CYB5R2: variants seen among roughly 807,000 people sequenced by gnomAD.
CYB5R2 encodes NADH-cytochrome b5 reductase 2.
A neutral mutation model predicts 29.8 loss-of-function variants in CYB5R2; 35 were observed. The observed-to-expected ratio is 1.17, with a 90% CI of 0.90 to 1.56. The LOEUF (loss-of-function observed/expected upper bound fraction) is 1.56. Among genes scored for constraint, CYB5R2 ranks in the 40% most tolerant of loss-of-function variants. The pLI, the probability that CYB5R2 is intolerant of heterozygous loss-of-function variation, is 0.00. For missense variants in CYB5R2, 419 were observed against 346.7 expected (o/e 1.21, Z -1.66); for synonymous variants, 169 against 130.6 (o/e 1.29, Z -2.01).
chr11:7,672,382 T>C, intron 3 of CYB5R2, 69 bp downstream of exon 3: 1 of 1,393,732 alleles, frequency 7.2e-7, no homozygotes. Context: ...GAAACCTGTG[T>C]TTCTGTTAAG....
upstream of CYB5R2, chr11:7,673,943 C>A (rs1229358840): frequency 1.1e-5 from 11 of 1,002,552 alleles, no homozygotes; most frequent in Non-Finnish European, 1.3e-5. Context: ...TCGGGGGGCT[C>A]TCACTCACGA....
chr11:7,671,689 A>T (rs893641024), intron 3 of CYB5R2: 2 of 152,230 alleles, frequency 1.3e-5, no homozygotes, highest in African/African-American at 4.8e-5. Flanking sequence ...ATATAAGACA[A>T]ATAGGCCACG....
intron 3 of CYB5R2, 28 bp downstream of exon 3, chr11:7,672,423 T>G: frequency 6.2e-7 from 1 of 1,607,986 alleles, no homozygotes; most frequent in Non-Finnish European, 8.5e-7. Flanking sequence ...GAGGCCCCAG[T>G]CCTGGTGATG....
intron 1 of CYB5R2, 154 bp from the exon 2 acceptor site, chr11:7,673,045 G>A (rs543099830): frequency 1.4e-6 from 1 of 717,420 alleles, no homozygotes; most frequent in Non-Finnish European, 2.2e-6. Flanking sequence ...CACAGAAGGC[G>A]GCTGGGAGAG....
chr11:7,666,401 G>T, intron 8 of CYB5R2, 50 bp downstream of exon 8: 2 of 1,220,390 alleles, frequency 1.6e-6, no homozygotes, highest in Admixed American at 1.7e-5. Context: ...CCTCAAAGTG[G>T]TCAAGGGTTG....
intron 7 of CYB5R2, 54 bp from the exon 8 acceptor site, chr11:7,666,604 T>A: frequency 7.5e-7 from 1 of 1,324,858 alleles, no homozygotes; most frequent in Non-Finnish European, 1.1e-6. Context: ...TCTTGTTCCC[T>A]GGACTGACTA....
Position 7,673,499 on chromosome 11 carries a change from T to G in CYB5R2, c.-147A>C, listed in dbSNP as rs913846424. 1.0e-6 allele frequency: 1 copy of G among 985,864 alleles called. No individual in the cohort carries two copies. 61.1% of individuals were successfully genotyped at this position (985,864 alleles called of 1,614,324 possible). On this transcript the variant is annotated 5_prime_UTR_variant, in exon 1 of 9. Transcript: ENST00000299498. ...CTCCTCCCGCCGGGTCACTGGAGTC[T>G]CAGCCTTCCGGAATCCGAGCCGGCC...
chr11:7,673,188 G>A (rs4300385), intron 1 of CYB5R2: 1 of 405,458 alleles, frequency 2.5e-6, no homozygotes, highest in Non-Finnish European at 4.2e-6. Context: ...TACAGCCAAA[G>A]GTTCATACAC....
chr11:7,672,712 A>G, intron 2 of CYB5R2, 36 bp downstream of exon 2: 1 of 1,613,662 alleles, frequency 6.2e-7, no homozygotes, highest in Non-Finnish European at 8.5e-7. Flanking sequence ...GCCATCATCC[A>G]CTTACTGCCT....
At chr11:7,669,900 G>A in intron 3 of CYB5R2, 169 bp from the exon 4 acceptor site, 2 of 612,518 alleles carry the variant, frequency 3.3e-6, no homozygotes, top group East Asian at 5.7e-5. Context: ...CCGGATCCTA[G>A]GCCTGCCCTG....
intron 5 of CYB5R2, 42 bp downstream of exon 5, chr11:7,669,163 C>A: frequency 1.2e-6 from 2 of 1,613,306 alleles, no homozygotes; most frequent in Non-Finnish European, 1.7e-6. Context: ...TTGCAGGAAT[C>A]TTCCTCCCAG....
chr11:7,673,812 C>G (rs1052012832), upstream of CYB5R2: 6 of 988,234 alleles, frequency 6.1e-6, no homozygotes, highest in Non-Finnish European at 7.2e-6. Context: ...CCCCGCAGCT[C>G]CGCCTGGCCG....
In CYB5R2 at chr11:7,672,460, G is replaced by A. The variant is rs367580620; in HGVS notation, c.142C>T (p.Leu48Phe). Reference protein sequence around the residue: ...GLPSPDHVLGLPVGNYVQLLA... With the variant: ...GLPSPDHVLGFPVGNYVQLLA... ...CCCAAGCCCGGCTCACCTACAGGAAGCCCTAAGACATGGTCCGGCGAAGGC... is the reference window on the plus strand; with the variant it reads ...CCCAAGCCCGGCTCACCTACAGGAAACCCTAAGACATGGTCCGGCGAAGGC... Residue 48 changes from leucine to phenylalanine, a missense_variant, in exon 3 of 9, where the codon CTT (leucine) becomes TTT (phenylalanine). Transcript: ENST00000299498. 1.2e-6 allele frequency: 2 copies of A among 1,614,048 alleles called. No homozygotes were observed. The highest frequency in any genetic ancestry group is 2.7e-5 in the African/African-American group (2 of 74,940).
At chr11:7,673,881 C>A, upstream of CYB5R2, 1 of 992,222 alleles carries the variant, frequency 1.0e-6, no homozygotes, top group Non-Finnish European at 1.2e-6. Context: ...CGCGGGCGGA[C>A]CCCGCAGGCT....
intron 3 of CYB5R2, 66 bp downstream of exon 3, chr11:7,672,385 C>T (rs1460576000): frequency 2.1e-6 from 3 of 1,416,848 alleles, no homozygotes; most frequent in Non-Finnish European, 2.0e-6. Flanking sequence ...ACCTGTGTTT[C>T]TGTTAAGAGA....
chr11:7,665,097 G>T, downstream of CYB5R2: 1 of 267,712 alleles, frequency 3.7e-6, no homozygotes, highest in Non-Finnish European at 7.1e-6. Context: ...ACACTTCATG[G>T]GCTGTCTGCT....
chr11:7,673,902 C>CG (rs1555010428), upstream of CYB5R2: 1 of 998,722 alleles, frequency 1.0e-6, no homozygotes, highest in Non-Finnish European at 1.2e-6. Context: ...GGGACCCCGG[C>CG]GGCTGGCCCG....
chr11:7,670,042 T>G, intron 3 of CYB5R2: 1 of 312,164 alleles, frequency 3.2e-6, no homozygotes, highest in African/African-American at 2.2e-5. Context: ...AAAAGATCAT[T>G]AAAGTTGGAG....
chr11:7,669,842 A>T, intron 3 of CYB5R2, 111 bp from the exon 4 acceptor site: 2 of 792,278 alleles, frequency 2.5e-6, no homozygotes, highest in Non-Finnish European at 4.3e-6. Flanking sequence ...CACAATGTTA[A>T]GAGGGGTGGG....
Sources: allele counts gnomAD v4.1 joint callset, GRCh38; gene constraint gnomAD v4.1.1; transcripts MANE v1.5; gene names NCBI Gene and HGNC (gene_info 2026-07-23, HGNC 2026-07-21).